Variants in INPP5D observed in about 807,000 individuals in gnomAD.
The protein encoded by INPP5D is inositol polyphosphate-5-phosphatase D, also known as phosphatidylinositol 3,4,5-trisphosphate 5-phosphatase 1.
INPP5D carries 33 observed loss-of-function variants against 122.9 expected under a neutral mutation model. The ratio of observed to expected loss-of-function variants is 0.27; its 90% CI spans 0.20 to 0.36. INPP5D has a LOEUF of 0.36. INPP5D is among the 10% of genes least tolerant of loss of function. The probability of loss-of-function intolerance (pLI) is 1.00; values close to 1 mark genes in which losing one functional copy is unlikely to be tolerated. For missense variants in INPP5D, 1,053 were observed against 1,412.7 expected (o/e 0.75, Z 4.08); for synonymous variants, 584 against 576.2 (o/e 1.01, Z -0.19).
At chr2:233,060,697 G>A in intron 1 of INPP5D, 85 bp downstream of exon 1, 2 of 1,529,046 alleles carry the variant, frequency 1.3e-6, no homozygotes, top group South Asian at 2.4e-5. Flanking sequence ...TTGTTCTTAT[G>A]TCACAGGACA....
chr2:233,093,404 G>C (rs566453877), intron 2 of INPP5D, among the ~76,000 whole-genome samples: 1 of 152,292 alleles, frequency 6.6e-6, no homozygotes, highest in Admixed American at 6.5e-5. Context: ...GGTAAGGCCA[G>C]GTGCAGTGGC....
rs1048744667 is a variant in INPP5D, at chr2:233,113,972, G to A, written c.199-8135G>A. Among the ~76,000 whole-genome samples, 5 of 146,530 alleles carry A rather than the reference G, an allele frequency of 3.4e-5. No individual in the cohort carries two copies. In the East Asian group the frequency reaches 8.1e-4, roughly 24 times the overall value. Reference sequence around the variant, plus strand: ...CCCAGGCTGGATGGAGTGCAGTGGCGCCATCTCAGCTCACTGCAAGCTCCG... The same window carrying A: ...CCCAGGCTGGATGGAGTGCAGTGGCACCATCTCAGCTCACTGCAAGCTCCG... On this transcript the variant is annotated intron_variant, in intron 2 of 26. Coordinates refer to ENST00000445964, the MANE Select transcript of INPP5D (RefSeq NM_001017915.3).
At chr2:233,098,991 G>T in intron 2 of INPP5D, among the ~76,000 whole-genome samples, 1 of 121,164 alleles carries the variant, frequency 8.3e-6, no homozygotes, top group East Asian at 2.2e-4. Context: ...TCACTCTGTC[G>T]TCCAGGCTGG....
At position 233,071,289 on chromosome 2, in the gene INPP5D, T is replaced by A. The variant is rs549524892; in HGVS notation, c.135-8046T>A. ...TTGGGCCACAGAGTGAGTCTCTGCC[T>A]CAAAAAAAGGAAAAAAAAAAAGATT... On this transcript the variant is annotated intron_variant, in intron 1 of 26. Transcript: ENST00000445964. 6.0e-5 allele frequency among the ~76,000 whole-genome samples: 9 copies of A among 149,374 alleles called. No homozygotes were observed. In the East Asian group the frequency reaches 1.8e-3, roughly 29 times the overall value.
rs369737391 is a variant in INPP5D at position 233,169,361 on chromosome 2, G to A, written c.1612G>A (p.Val538Ile). The A allele has an allele frequency of 4.1e-5, 66 of 1,604,384 alleles. No homozygotes were observed. The highest frequency in any genetic ancestry group is 3.3e-4 in the Middle Eastern group (2 of 6,072). The change falls in exon 14 of 27, where the codon GTC becomes ATC. Residue 538 changes from valine to isoleucine, a missense_variant. Physicochemically the swap from Val to Ile is conservative, Grantham distance 29 (BLOSUM62 3). Around this residue, in one of 6 missense-constraint regions of INPP5D, gnomAD observed 258 missense variants for 439.1 expected, o/e 0.59. Transcript: ENST00000445964. ...FMFNGTSLGF[V>I]NSHLTSGSEK... ...GTTCAATGGAACCTCCTTAGGGTTC[G>A]TCAACAGCCACTTGACTTCAGGAAG...
At chr2:233,101,898 A>G (rs925853403) in intron 2 of INPP5D, among the ~76,000 whole-genome samples, 2 of 151,852 alleles carry the variant, frequency 1.3e-5, no homozygotes, top group Non-Finnish European at 2.9e-5. Context: ...CTGTGTGATC[A>G]GGGTCAAACT....
intron 2 of INPP5D, among the ~76,000 whole-genome samples, chr2:233,080,463 CAG>C (rs111601408): frequency 6.5e-4 from 95 of 147,162 alleles, no homozygotes; most frequent in Admixed American, 7.5e-4. Flanking sequence ...GTGCACGTGA[CAG>C]AGAGAGAGAG....
At chr2:233,163,610 T>G in intron 11 of INPP5D, 97 bp from the exon 12 acceptor site, 1 of 1,586,006 alleles carries the variant, frequency 6.3e-7, no homozygotes, top group Non-Finnish European at 8.6e-7. Flanking sequence ...TGTAATGACG[T>G]GACCTCCCTC....
intron 13 of INPP5D, chr2:233,168,917 G>A (rs1694416504): frequency 4.5e-6 from 1 of 220,922 alleles, no homozygotes; most frequent in Non-Finnish European, 9.2e-6. Context: ...TATGATCTCA[G>A]TGTGGGTTTT....
At chr2:233,087,547 G>A (rs1691885605) in intron 2 of INPP5D, among the ~76,000 whole-genome samples, 1 of 151,960 alleles carries the variant, frequency 6.6e-6, no homozygotes, top group Non-Finnish European at 1.5e-5. Flanking sequence ...GGATGGTCTC[G>A]ACCTCTTGAC....
chr2:233,149,841 A>T (rs1358703535), intron 9 of INPP5D, among the ~76,000 whole-genome samples: 1 of 152,028 alleles, frequency 6.6e-6, no homozygotes, highest in Non-Finnish European at 1.5e-5. Context: ...ATGTGGGTGA[A>T]CATCAAAGCA....
chr2:233,204,885 A>C (rs966689018), intron 26 of INPP5D, 168 bp downstream of exon 26: 1 of 1,147,520 alleles, frequency 8.7e-7, no homozygotes. Flanking sequence ...GGTCCTGGGA[A>C]CTGCTCCATG....
At chr2:233,135,595 A>G (rs1051560308) in intron 5 of INPP5D, among the ~76,000 whole-genome samples, 3 of 150,174 alleles carry the variant, frequency 2.0e-5, no homozygotes, top group Admixed American at 6.6e-5. Flanking sequence ...AAAATGTTAA[A>G]TATTTTTAAA....
intron 1 of INPP5D, 32 bp from the exon 2 acceptor site, chr2:233,079,303 T>G (rs780985732): frequency 3.6e-6 from 5 of 1,401,060 alleles, no homozygotes; most frequent in Non-Finnish European, 5.1e-6. Context: ...TCTTCCTGCA[T>G]GGGTTCTAAT....
Position 233,163,612 on chromosome 2 carries a change from A to G in INPP5D, c.1241-95A>G, listed in dbSNP as rs1694249410. On this transcript the variant is annotated intron_variant, in intron 11 of 26. Coordinates refer to ENST00000445964, the MANE Select transcript of INPP5D (RefSeq NM_001017915.3). ...CTGGATGGTCTTGTGTAATGACGTG[A>G]CCTCCCTCACACTCCCGCCCTCTGT... The G allele has an allele frequency of 2.5e-6, 4 of 1,582,256 alleles. No individual in the cohort carries two copies. The South Asian group carries it at 3.4e-5, about 14-fold the overall frequency.
At chr2:233,079,020 G>C (rs1691601572) in intron 1 of INPP5D, among the ~76,000 whole-genome samples, 1 of 152,108 alleles carries the variant, frequency 6.6e-6, no homozygotes, top group Non-Finnish European at 1.5e-5. Flanking sequence ...TGGCAGCCGA[G>C]AGGTTAAGAA....
intron 2 of INPP5D, among the ~76,000 whole-genome samples, chr2:233,091,653 A>G (rs1691996475): frequency 6.6e-6 from 1 of 152,162 alleles, no homozygotes; most frequent in South Asian, 2.1e-4. Flanking sequence ...ACAGCTGAAT[A>G]ATTCAGGATC....
chr2:233,134,737 A>G (rs1232696724), intron 5 of INPP5D, among the ~76,000 whole-genome samples: 3 of 152,248 alleles, frequency 2.0e-5, no homozygotes, highest in African/African-American at 7.2e-5. Flanking sequence ...GGAATTTAAA[A>G]TAAAAGATCA....
chr2:233,171,055 CTG>C lies in INPP5D; in HGVS notation c.1901-7_1901-6del. Reference sequence around the variant, plus strand: ...AATCAGAATTAAAACGAAAGTCTCTCTGTTTCAGAGGAGGAAGAAATCACGTT... The same window carrying C: ...AATCAGAATTAAAACGAAAGTCTCTCTTTCAGAGGAGGAAGAAATCACGTT... On this transcript the variant is annotated splice_polypyrimidine_tract_variant and splice_region_variant and intron_variant, in intron 16 of 26. Transcript: ENST00000445964. 2 of 1,613,424 alleles carry C rather than the reference CTG, an allele frequency of 1.2e-6. No individual in the cohort carries two copies. The highest frequency in any genetic ancestry group is 1.7e-6 in the Non-Finnish European group (2 of 1,179,668).
Sources: allele counts gnomAD v4.1 joint callset (sites outside exome capture counted in the v4.1 genomes callset), GRCh38; gene constraint gnomAD v4.1.1; regional missense constraint gnomAD v4.1.1; transcripts MANE v1.5; gene names NCBI Gene and HGNC (gene_info 2026-07-23, HGNC 2026-07-21).